PPP1R21: variants seen among roughly 807,000 people sequenced by gnomAD.
The protein encoded by PPP1R21 is protein phosphatase 1 regulatory subunit 21, also known as KLRAQ motif containing 1.
In PPP1R21, 85 loss-of-function variants were observed where a neutral mutation model predicts 112.8. That is an observed-to-expected ratio of 0.75 (90% CI 0.63 to 0.90). The LOEUF is 0.90. Ranked by LOEUF, PPP1R21 falls within the 40% of genes least tolerant of loss-of-function variation. The pLI is 0.00. For synonymous variants in PPP1R21, 381 were observed against 322.3 expected (o/e 1.18, Z -1.95); for missense variants, 1,199 against 901.5 (o/e 1.33, Z -4.23).
At chr2:48,490,460 C>G (rs531571957) in intron 14 of PPP1R21, among the ~76,000 whole-genome samples, 1 of 152,092 alleles carries the variant, frequency 6.6e-6, no homozygotes. Context: ...AGTGATAGAT[C>G]TTTGTGGCTG....
chr2:48,499,471 C>G (rs1468485598), intron 17 of PPP1R21, among the ~76,000 whole-genome samples: 1 of 152,144 alleles, frequency 6.6e-6, no homozygotes, highest in Non-Finnish European at 1.5e-5. Flanking sequence ...GCCTGTAACT[C>G]CAACACTTTG....
At chr2:48,503,417 A>G (rs927306570) in intron 17 of PPP1R21, among the ~76,000 whole-genome samples, 1 of 152,182 alleles carries the variant, frequency 6.6e-6, no homozygotes, top group Non-Finnish European at 1.5e-5. Context: ...ATGATTAGAT[A>G]TTGGTTATAA....
chr2:48,492,248 C>T (rs1299953123), intron 15 of PPP1R21, among the ~76,000 whole-genome samples: 1 of 152,308 alleles, frequency 6.6e-6, no homozygotes, highest in East Asian at 1.9e-4. Flanking sequence ...TGTAACCTTT[C>T]AGGCTCTTTG....
chr2:48,450,954 G>A (rs1023317533), intron 1 of PPP1R21, 54 bp from the exon 2 acceptor site: 1 of 1,447,588 alleles, frequency 6.9e-7, no homozygotes, highest in East Asian at 2.3e-5. Context: ...TGATTTCCTT[G>A]ATATAACCAA....
At chr2:48,489,287 G>C (rs549248866) in intron 14 of PPP1R21, among the ~76,000 whole-genome samples, 1 of 151,976 alleles carries the variant, frequency 6.6e-6, no homozygotes, top group African/African-American at 2.4e-5. Context: ...TTTATTGCTT[G>C]AGCCCAGGAG....
At chr2:48,459,688 C>A (rs550751433) in intron 4 of PPP1R21, 66 bp from the exon 5 acceptor site, 3 of 1,531,846 alleles carry the variant, frequency 2.0e-6, no homozygotes, top group African/African-American at 1.4e-5. Flanking sequence ...ATAGTCACTG[C>A]TGTTATTTTT....
intron 19 of PPP1R21, among the ~76,000 whole-genome samples, chr2:48,508,807 A>T (rs1248553433): frequency 6.6e-6 from 1 of 152,214 alleles, no homozygotes; most frequent in Non-Finnish European, 1.5e-5. Context: ...GAAATGAAAT[A>T]AGTAGCTGAG....
intron 21 of PPP1R21, among the ~76,000 whole-genome samples, chr2:48,511,846 G>T (rs772052219): frequency 6.6e-6 from 1 of 152,074 alleles, no homozygotes; most frequent in African/African-American, 2.4e-5. Context: ...ACTCCAGCCT[G>T]TGCGACAGAG....
chr2:48,512,568 T>A (rs1173982843), intron 21 of PPP1R21, among the ~76,000 whole-genome samples: 1 of 152,210 alleles, frequency 6.6e-6, no homozygotes, highest in Non-Finnish European at 1.5e-5. Flanking sequence ...GCTGTTGGTG[T>A]TAAGGACAGG....
At chr2:48,487,328 G>T (rs934501479) in intron 14 of PPP1R21, among the ~76,000 whole-genome samples, 7 of 152,212 alleles carry the variant, frequency 4.6e-5, no homozygotes, top group Non-Finnish European at 8.8e-5. Flanking sequence ...TACTACCTCT[G>T]TGGTTTTGTA....
Position 48,498,484 on chromosome 2 carries a change from C to T in PPP1R21, c.1693-9C>T, listed in dbSNP as rs950096997. 1.9e-6 allele frequency: 3 copies of T among 1,613,578 alleles called. No homozygotes were observed. Among genetic ancestry groups the T allele is most frequent in the Non-Finnish European group, 2.5e-6 (3 of 1,179,672 alleles). ...GTCTCTAAGATACAACACTCTGTTA[C>T]TTTTCAAGGTTCAACAGAGTTTGGA... On this transcript the variant is annotated splice_polypyrimidine_tract_variant and intron_variant, in intron 16 of 21. Transcript: ENST00000294952.
At chr2:48,477,957 C>T (rs556143172) in intron 12 of PPP1R21, among the ~76,000 whole-genome samples, 2 of 152,074 alleles carry the variant, frequency 1.3e-5, no homozygotes, top group South Asian at 2.1e-4. Context: ...AAAGAGAGTC[C>T]TAAATCCAAT....
intron 19 of PPP1R21, among the ~76,000 whole-genome samples, chr2:48,507,967 G>A (rs2103668599): frequency 6.6e-6 from 1 of 151,028 alleles, no homozygotes; most frequent in East Asian, 2.0e-4. Context: ...GTTTCACCAT[G>A]TTGGCCAGGC....
intron 14 of PPP1R21, among the ~76,000 whole-genome samples, chr2:48,490,562 A>G (rs971227649): frequency 5.9e-5 from 9 of 152,276 alleles, no homozygotes; most frequent in Non-Finnish European, 1.2e-4. Flanking sequence ...TTAAATTGAG[A>G]TTTATAGAAT....
chr2:48,506,688 G>A (rs1670393423), intron 18 of PPP1R21, among the ~76,000 whole-genome samples: 2 of 152,044 alleles, frequency 1.3e-5, no homozygotes, highest in Admixed American at 1.3e-4. Context: ...GCTCACGCCT[G>A]TAATCCCAGC....
Position 48,498,499 on chromosome 2 carries a change from C to T in PPP1R21, c.1699C>T (p.Gln567Ter). 1 of 1,614,026 alleles carries T rather than the reference C, an allele frequency of 6.2e-7. No homozygotes were observed. The highest frequency in any genetic ancestry group is 8.5e-7 in the Non-Finnish European group (1 of 1,179,942). Residue 567 changes from glutamine to a stop codon, truncating the protein, a stop_gained, in exon 17 of 22, where the codon CAG becomes TAG. Coordinates refer to ENST00000294952, the MANE Select transcript of PPP1R21 (RefSeq NM_001135629.3). LOFTEE classifies it high-confidence loss of function. ...SREGLAQQVQQSLEKISKLEQ... is the reference protein window; with the variant it reads ...SREGLAQQVQ ...CACTCTGTTACTTTTCAAGGTTCAA[C>T]AGAGTTTGGAAAAGATTTCTAAACT...
chr2:48,498,780 A>T, intron 17 of PPP1R21, 45 bp downstream of exon 17: 1 of 1,593,746 alleles, frequency 6.3e-7, no homozygotes, highest in Non-Finnish European at 8.6e-7. Context: ...TTTAAATGCT[A>T]ATTGGTAAGT....
At chr2:48,504,460 G>A (rs1670279025) in intron 17 of PPP1R21, among the ~76,000 whole-genome samples, 1 of 152,120 alleles carries the variant, frequency 6.6e-6, no homozygotes, top group African/African-American at 2.4e-5. Flanking sequence ...GGCCAACATG[G>A]TGAAACCTGC....
intron 17 of PPP1R21, among the ~76,000 whole-genome samples, chr2:48,499,550 T>C (rs1450102824): frequency 6.6e-6 from 1 of 152,144 alleles, no homozygotes; most frequent in African/African-American, 2.4e-5. Flanking sequence ...AGTGAGACCC[T>C]GTGTCTACCA....
Sources: gnomAD v4.1 joint callset for allele counts (sites outside exome capture counted in the v4.1 genomes callset) on GRCh38, gnomAD v4.1.1 for gene constraint, MANE v1.5 for transcripts, NCBI Gene and HGNC (gene_info 2026-07-23, HGNC 2026-07-21) for gene names.